GK: variants seen among roughly 807,000 people sequenced by gnomAD.
GK encodes the protein glycerol kinase, also known as ATP:glycerol 3-phosphotransferase.
GK carries 9 observed loss-of-function variants against 56.4 expected under a neutral mutation model. The observed-to-expected ratio is 0.16, with a 90% confidence interval of 0.10 to 0.28. GK has a LOEUF of 0.28. Among genes scored for constraint, GK ranks in the 10% least tolerant of loss-of-function variants. The pLI, the probability that GK is intolerant of heterozygous loss-of-function variation, is 1.00. For synonymous variants in GK, 104 were observed against 144.1 expected, an observed-to-expected ratio of 0.72 and a Z score of 1.99; for missense variants, 161 against 431.4, an observed-to-expected ratio of 0.37 and a Z score of 5.55.
intron 4 of GK, chrX:30,689,355 A>G: frequency 1.1e-5 from 3 of 271,097 alleles, no homozygotes; most frequent in Non-Finnish European, 2.1e-5. Flanking sequence ...AGATCTTGCC[A>G]CCTCCATGAT....
intron 8 of GK, 75 bp downstream of exon 8, chrX:30,696,758 G>GT (rs750814135): frequency 1.5e-5 from 12 of 774,632 alleles, no homozygotes; most frequent in Admixed American, 1.5e-4. Flanking sequence ...AATAATTAAA[G>GT]TTTTTTTATT....
intron 13 of GK, among the ~76,000 whole-genome samples, chrX:30,714,062 G>C (rs1936489164): frequency 9.0e-6 from 1 of 111,248 alleles, no homozygotes; most frequent in African/African-American, 3.3e-5. Context: ...CTTCAAAGAG[G>C]GTTCCCTATA....
At chrX:30,656,153 C>T (rs1263962263) in intron 1 of GK, among the ~76,000 whole-genome samples, 2 of 111,393 alleles carry the variant, frequency 1.8e-5, no homozygotes, top group Non-Finnish European at 1.9e-5. Flanking sequence ...ATTGCTAAAC[C>T]ACTCCCTGCA....
chrX:30,707,328 C>CA lies in GK; in HGVS notation c.852-211dup, dbSNP rs199672974. Among the ~76,000 whole-genome samples the CA allele has an allele frequency of 9.4e-3, 497 of 52,752 alleles. 20 individuals are homozygous for CA. The East Asian group carries it at 0.13, about 13-fold the overall frequency. The allele number at this position is 52,752 out of a possible 115,157, so 45.8% of individuals were successfully genotyped here. On this transcript the variant is annotated intron_variant, in intron 11 of 20. Coordinates refer to ENST00000427190, the MANE Select transcript of GK (RefSeq NM_001205019.2). Reference sequence around the variant, plus strand: ...CTGGTGACAGAGCAAGACTCCATCTCAAAAAAAAAAAAAAAAAGATTGCAC... The same window carrying CA: ...CTGGTGACAGAGCAAGACTCCATCTCAAAAAAAAAAAAAAAAAAGATTGCAC...
At chrX:30,654,172 A>G (rs1030221517) in intron 1 of GK, among the ~76,000 whole-genome samples, 1 of 112,491 alleles carries the variant, frequency 8.9e-6, no homozygotes, top group African/African-American at 3.2e-5. Context: ...AAATTAGGAA[A>G]CAGTCACACT....
intron 19 of GK, among the ~76,000 whole-genome samples, chrX:30,725,026 G>A (rs761859170): frequency 1.3e-4 from 14 of 109,825 alleles, no homozygotes; most frequent in East Asian, 2.8e-4. Context: ...GATTACAGGC[G>A]CCCACCACCA....
chrX:30,692,308 T>C (rs1934983610), intron 5 of GK, among the ~76,000 whole-genome samples: 1 of 111,248 alleles, frequency 9.0e-6, no homozygotes, highest in African/African-American at 3.3e-5. Context: ...CTTCGAGGGA[T>C]GCATGCTTTT....
At chrX:30,721,349 T>A (rs2147264803) in intron 18 of GK, among the ~76,000 whole-genome samples, 1 of 107,694 alleles carries the variant, frequency 9.3e-6, no homozygotes, top group East Asian at 2.9e-4. Context: ...TGGAGTGCAG[T>A]GGCACAATCT....
intron 1 of GK, 142 bp from the exon 2 acceptor site, chrX:30,665,369 A>G (rs911190065): frequency 4.3e-6 from 2 of 464,640 alleles, no homozygotes; most frequent in African/African-American, 4.8e-5. Flanking sequence ...ATCCATATGA[A>G]AAGAAAGTGG....
chrX:30,691,345 CAA>C (rs1291333755), intron 5 of GK, 146 bp downstream of exon 5: 5 of 419,433 alleles, frequency 1.2e-5, no homozygotes, highest in Non-Finnish European at 2.1e-5. Context: ...GAGGCCAACT[CAA>C]GTCTTTACCT....
chrX:30,666,612 T>C (rs1933094206), intron 2 of GK, among the ~76,000 whole-genome samples: 1 of 112,200 alleles, frequency 8.9e-6, no homozygotes, highest in Admixed American at 9.5e-5. Context: ...CATTTCACTG[T>C]AAAGTTTACT....
At chrX:30,681,012 T>C (rs976578359) in intron 4 of GK, among the ~76,000 whole-genome samples, 5 of 111,602 alleles carry the variant, frequency 4.5e-5, no homozygotes, top group Admixed American at 2.9e-4. Flanking sequence ...TAAGAGTAAA[T>C]CCTTTCTGGA....
At chrX:30,685,119 A>AT (rs777001727) in intron 4 of GK, among the ~76,000 whole-genome samples, 1 of 109,959 alleles carries the variant, frequency 9.1e-6, no homozygotes, top group Non-Finnish European at 1.9e-5. Flanking sequence ...ACAATAAAGT[A>AT]TTTTTTTTCT....
intron 1 of GK, among the ~76,000 whole-genome samples, chrX:30,654,032 G>A (rs939977534): frequency 1.7e-4 from 19 of 112,517 alleles, no homozygotes; most frequent in Non-Finnish European, 3.0e-4. Context: ...GGAAAGCTGT[G>A]TCACGGCTGT....
chrX:30,654,181 C>T (rs761858625), intron 1 of GK, among the ~76,000 whole-genome samples: 40 of 112,577 alleles, frequency 3.6e-4, no homozygotes, highest in Non-Finnish European at 7.3e-4. Context: ...AACAGTCACA[C>T]TACACTGGTT....
intron 4 of GK, among the ~76,000 whole-genome samples, chrX:30,679,379 G>A (rs143499372): frequency 4.4e-3 from 486 of 109,805 alleles, no homozygotes; most frequent in African/African-American, 0.015. Context: ...CATTATGCCC[G>A]GCTAATTTTT....
chrX:30,663,808 A>G (rs1932860439), intron 1 of GK, among the ~76,000 whole-genome samples: 1 of 106,854 alleles, frequency 9.4e-6, no homozygotes, highest in Non-Finnish European at 1.9e-5. Flanking sequence ...TGCTGTAATT[A>G]GAGTAATTTT....
At chrX:30,672,513 G>A (rs1229380009) in intron 3 of GK, among the ~76,000 whole-genome samples, 1 of 112,059 alleles carries the variant, frequency 8.9e-6, no homozygotes, top group Non-Finnish European at 1.9e-5. Flanking sequence ...TCCAGAGCCT[G>A]TTTTAAAAAG....
chrX:30,661,741 T>C (rs1184465792), intron 1 of GK, among the ~76,000 whole-genome samples: 3 of 111,900 alleles, frequency 2.7e-5, no homozygotes, highest in African/African-American at 9.8e-5. Context: ...GCCACTGCAC[T>C]CCAGCCTGGG....
Sources: gnomAD v4.1 joint callset for allele counts (sites outside exome capture counted in the v4.1 genomes callset) on GRCh38, gnomAD v4.1.1 for gene constraint, MANE v1.5 for transcripts, NCBI Gene and HGNC (gene_info 2026-07-23, HGNC 2026-07-21) for gene names.